Variants in DPYSL3 observed in about 807,000 individuals in gnomAD.
The protein encoded by DPYSL3 is dihydropyrimidinase like 3.
DPYSL3 carries 16 observed loss-of-function variants against 66.1 expected under a neutral mutation model. The observed-to-expected ratio is 0.24, with a 90% CI of 0.16 to 0.37. The LOEUF (loss-of-function observed/expected upper bound fraction) is 0.37, where lower values mean the gene tolerates loss of function less well. Ranked by LOEUF, DPYSL3 falls within the 10% of genes least tolerant of loss-of-function variation. The pLI, the probability that DPYSL3 is intolerant of heterozygous loss-of-function variation, is 1.00. For synonymous variants in DPYSL3, 338 were observed against 345.1 expected (o/e 0.98, Z 0.23); for missense variants, 738 against 916.2 (o/e 0.81, Z 2.51).
rs556766658 is a variant in DPYSL3 at position 147,495,334 on chromosome 5, A to G, written c.381+14144T>C. ...CTGGAAGCATTCCCTTTGAAAACTG[A>G]CACAAGACAGGGATGCCCTCTCTCA... On this transcript the variant is annotated intron_variant, in intron 1 of 13. Coordinates refer to ENST00000343218, the MANE Select transcript of DPYSL3 (RefSeq NM_001197294.2). 1.1e-3 allele frequency among the ~76,000 whole-genome samples: 174 copies of G among 152,234 alleles called. 1 individual carries two copies. The highest frequency in any genetic ancestry group is 3.3e-3 in the African/African-American group (137 of 41,544).
chr5:147,431,892 C>CG (rs1752322960), intron 1 of DPYSL3, among the ~76,000 whole-genome samples: 1 of 152,146 alleles, frequency 6.6e-6, no homozygotes, highest in Admixed American at 6.5e-5. Flanking sequence ...GGTCTTAAAG[C>CG]TGCCTCCCAC....
At chr5:147,440,080 A>G (rs185051309) in intron 1 of DPYSL3, among the ~76,000 whole-genome samples, 3 of 152,190 alleles carry the variant, frequency 2.0e-5, no homozygotes, top group Non-Finnish European at 4.4e-5. Flanking sequence ...AGGCAGGCAG[A>G]TCACGAGGTC....
intron 1 of DPYSL3, among the ~76,000 whole-genome samples, chr5:147,491,952 A>T (rs368263246): frequency 7.2e-5 from 11 of 152,262 alleles, no homozygotes; most frequent in African/African-American, 2.4e-4. Flanking sequence ...AGCTCAGAGA[A>T]TAGCAAGCAA....
intron 1 of DPYSL3, among the ~76,000 whole-genome samples, chr5:147,474,481 C>T (rs1032984675): frequency 6.6e-6 from 1 of 151,978 alleles, no homozygotes; most frequent in East Asian, 1.9e-4. Context: ...GATTTGGAAG[C>T]TGACAATGGT....
At chr5:147,487,651 G>T (rs187463829) in intron 1 of DPYSL3, among the ~76,000 whole-genome samples, 1 of 152,176 alleles carries the variant, frequency 6.6e-6, no homozygotes, top group African/African-American at 2.4e-5. Flanking sequence ...GTTGTCTATG[G>T]CTGCTTTTAC....
rs928523127 is a variant in DPYSL3, at chr5:147,509,165, C to G, written c.381+313G>C. Among the ~76,000 whole-genome samples the G allele has an allele frequency of 1.3e-5, 2 of 152,286 alleles. No individual in the cohort carries two copies. Among genetic ancestry groups the G allele is most frequent in the Admixed American group, 1.3e-4 (2 of 15,310 alleles). Reference sequence around the variant, plus strand: ...AGAGCTGGAAATCACTAAGCCTTCCCGGGCTGACACACCCACCCAGACCGG... The same window carrying G: ...AGAGCTGGAAATCACTAAGCCTTCCGGGGCTGACACACCCACCCAGACCGG... On this transcript the variant is annotated intron_variant, in intron 1 of 13. Coordinates refer to ENST00000343218, the MANE Select transcript of DPYSL3 (RefSeq NM_001197294.2). This position sits in a 1 kb window ranked among gnomAD's most constrained non-coding sequence, Gnocchi z 5.3.
chr5:147,446,217 T>C (rs193085101), intron 1 of DPYSL3, among the ~76,000 whole-genome samples: 295 of 152,306 alleles, frequency 1.9e-3, no homozygotes, highest in Non-Finnish European at 3.6e-3. Flanking sequence ...TGCCCTCATT[T>C]TACTGATGCA....
chr5:147,396,778 T>C (rs927054004), intron 12 of DPYSL3, among the ~76,000 whole-genome samples: 1 of 151,730 alleles, frequency 6.6e-6, no homozygotes, highest in Non-Finnish European at 1.5e-5. Flanking sequence ...CAAACTGGAG[T>C]GTGGAGCTCA....
intron 1 of DPYSL3, among the ~76,000 whole-genome samples, chr5:147,463,133 C>T (rs1475833985): frequency 6.6e-6 from 1 of 152,118 alleles, no homozygotes; most frequent in Non-Finnish European, 1.5e-5. Flanking sequence ...CCCATGTCAT[C>T]CACTACTTTT....
intron 1 of DPYSL3, among the ~76,000 whole-genome samples, chr5:147,452,211 G>A (rs1752743461): frequency 6.6e-6 from 1 of 152,188 alleles, no homozygotes; most frequent in African/African-American, 2.4e-5. Context: ...CTTCCTGCCT[G>A]CAGAGGGGAA....
rs1751776445 is a variant in DPYSL3 at position 147,408,713 on chromosome 5, T to A, written c.1032+15A>T. 1 of 1,613,616 alleles carries A rather than the reference T, an allele frequency of 6.2e-7. No homozygotes were observed. The highest frequency in any genetic ancestry group is 8.5e-7 in the Non-Finnish European group (1 of 1,179,574). On this transcript the variant is annotated intron_variant, in intron 7 of 13. Transcript: ENST00000343218. ...TTCATGCGTTGTGTGTGCACCTTCA[T>A]CCCCTGTAACTTACCTCTTCTGGCC...
intron 1 of DPYSL3, among the ~76,000 whole-genome samples, chr5:147,460,208 A>T (rs538168965): frequency 2.0e-5 from 3 of 152,330 alleles, no homozygotes; most frequent in East Asian, 3.9e-4. Flanking sequence ...GTGAAGTTAC[A>T]TTCATACGAG....
At chr5:147,435,683 T>C (rs1442585843) in intron 1 of DPYSL3, among the ~76,000 whole-genome samples, 2 of 150,718 alleles carry the variant, frequency 1.3e-5, no homozygotes, top group African/African-American at 4.9e-5. Context: ...ATGCTGGAGA[T>C]AAAGGAAGGA....
chr5:147,484,367 G>A (rs533090481), intron 1 of DPYSL3, among the ~76,000 whole-genome samples: 2 of 152,220 alleles, frequency 1.3e-5, no homozygotes, highest in African/African-American at 4.8e-5. Flanking sequence ...CTTTACAGAT[G>A]GTTTCTATGG....
chr5:147,408,821 C>A (rs775355840), intron 6 of DPYSL3, 25 bp from the exon 7 acceptor site: 2 of 1,613,218 alleles, frequency 1.2e-6, no homozygotes, highest in Non-Finnish European at 1.7e-6. Context: ...GAAAATAGTT[C>A]TTCAATAAGC....
In DPYSL3 at chr5:147,395,754, T is replaced by C. The variant is rs375025033; in HGVS notation, c.1804-33A>G. 196 of 1,610,924 alleles carry C rather than the reference T, an allele frequency of 1.2e-4. 1 individual carries two copies. The highest frequency in any genetic ancestry group is 1.6e-4 in the Non-Finnish European group (191 of 1,179,736). On this transcript the variant is annotated intron_variant, in intron 12 of 13. Transcript: ENST00000343218. Reference sequence around the variant, plus strand: ...CAGAGAAGAGCATGTCACCATTCATTCATTCAGCATTTTAGGGTCTGTTCT... The same window carrying C: ...CAGAGAAGAGCATGTCACCATTCATCCATTCAGCATTTTAGGGTCTGTTCT...
intron 1 of DPYSL3, chr5:147,453,708 C>G: frequency 7.5e-7 from 1 of 1,330,794 alleles, no homozygotes; most frequent in Non-Finnish European, 9.6e-7. Flanking sequence ...GCTGGCCGCG[C>G]CGCCGCCTCC....
chr5:147,448,766 A>G (rs1752673503), intron 1 of DPYSL3, among the ~76,000 whole-genome samples: 4 of 152,228 alleles, frequency 2.6e-5, no homozygotes, highest in South Asian at 4.1e-4. Flanking sequence ...GGTCACAGCT[A>G]CTAATGTTCA....
At chr5:147,454,048 G>C (rs1752799875) in intron 1 of DPYSL3, 2 of 153,042 alleles carry the variant, frequency 1.3e-5, no homozygotes, top group South Asian at 2.1e-4. Context: ...ACCAGGGGGC[G>C]CGAGGGGCTT....
Sources: gnomAD v4.1 joint callset for allele counts (sites outside exome capture counted in the v4.1 genomes callset) on GRCh38, gnomAD v4.1.1 for gene constraint, Gnocchi (gnomAD v3.1) non-coding constraint, MANE v1.5 for transcripts, NCBI Gene and HGNC (gene_info 2026-07-23, HGNC 2026-07-21) for gene names.